The following RBFOX1 variants were observed in gnomAD, a reference collection of about 807,000 sequenced individuals.
RBFOX1 encodes RNA binding protein fox-1 homolog 1.
RBFOX1 carries 8 observed loss-of-function variants against 57.7 expected under a neutral mutation model. The observed-to-expected ratio is 0.14, with a 90% CI of 0.08 to 0.25. The LOEUF is 0.25. RBFOX1 is among the 10% of genes least tolerant of loss of function. The probability of loss-of-function intolerance (pLI) is 1.00; values close to 1 mark genes in which losing one functional copy is unlikely to be tolerated. For synonymous variants in RBFOX1, 326 were observed against 222.4 expected, an observed-to-expected ratio of 1.47 and a Z score of -4.15; for missense variants, 611 against 548.5, an observed-to-expected ratio of 1.11 and a Z score of -1.14.
chr16:6,815,108 G>T (rs1209017615), intron 3 of RBFOX1, among the ~76,000 whole-genome samples: 1 of 152,112 alleles, frequency 6.6e-6, no homozygotes, highest in Non-Finnish European at 1.5e-5. Flanking sequence ...CCCCATTTCC[G>T]ACCATATAGC....
chr16:6,432,410 G>A lies in RBFOX1; in HGVS notation c.-64+115353G>A, dbSNP rs560585601. ...AATGAGGCCGGGCACAGTGGCTCAT[G>A]CCTGTAATACCAGCACTTTGGGAGG... is the stretch of plus-strand genomic sequence containing the variant. On this transcript the variant is annotated intron_variant, in intron 2 of 15. Transcript: ENST00000550418. Among the ~76,000 whole-genome samples the A allele has an allele frequency of 2.6e-5, 4 of 152,052 alleles. No homozygotes were observed. The East Asian group carries it at 5.8e-4, about 22-fold the overall frequency.
chr16:5,787,128 T>C (rs2054529436), intron 3 of RBFOX1, among the ~76,000 whole-genome samples: 1 of 152,176 alleles, frequency 6.6e-6, no homozygotes, highest in African/African-American at 2.4e-5. Context: ...AGTGAGATAC[T>C]GTCTCCCAAA....
intron 1 of RBFOX1, among the ~76,000 whole-genome samples, chr16:6,269,451 C>T (rs1934383907): frequency 6.6e-6 from 1 of 152,134 alleles, no homozygotes; most frequent in Non-Finnish European, 1.5e-5. Context: ...AGTCAAACTT[C>T]TGAAAAGTCA....
At chr16:6,925,788 G>C (rs2075466760) in intron 3 of RBFOX1, among the ~76,000 whole-genome samples, 1 of 151,964 alleles carries the variant, frequency 6.6e-6, no homozygotes, top group South Asian at 2.1e-4. Context: ...ATGATATTTA[G>C]AAATAGGAAT....
chr16:6,927,056 C>T (rs2075721558), intron 3 of RBFOX1, among the ~76,000 whole-genome samples: 2 of 152,054 alleles, frequency 1.3e-5, no homozygotes, highest in African/African-American at 4.8e-5. Context: ...ATCCACCCAC[C>T]ATTTTTCTTT....
At chr16:6,884,265 C>G (rs2063524295) in intron 3 of RBFOX1, among the ~76,000 whole-genome samples, 1 of 152,096 alleles carries the variant, frequency 6.6e-6, no homozygotes, top group Non-Finnish European at 1.5e-5. Flanking sequence ...AAGTATGTGT[C>G]CAGCTTTCCA....
At chr16:6,974,503 C>G (rs1338899762) in intron 3 of RBFOX1, among the ~76,000 whole-genome samples, 1 of 151,734 alleles carries the variant, frequency 6.6e-6, no homozygotes, top group Admixed American at 6.6e-5. Context: ...TGCCACCACG[C>G]CCAGCTAATT....
rs542747092 is a variant in RBFOX1, at chr16:5,463,037, A to C, written c.220-4179A>C. On this transcript the variant is annotated intron_variant, in intron 1 of 2. Transcript: ENST00000585867. ...TCTAATCCTTGGTCCATTTTTAAAA[A>C]ATGAAAGTATTTTTGTGTATGTATA... 2.6e-5 allele frequency among the ~76,000 whole-genome samples: 4 copies of C among 152,372 alleles called. No homozygotes were observed. In the East Asian group the frequency reaches 7.7e-4, roughly 29 times the overall value.
intron 2 of RBFOX1, chr16:6,483,833 A>G: frequency 8.0e-7 from 1 of 1,254,078 alleles, no homozygotes; most frequent in Non-Finnish European, 1.0e-6. Flanking sequence ...AGAATAGGGG[A>G]CTTGGCCGTG....
At chr16:6,662,087 C>G (rs1157187214) in intron 3 of RBFOX1, among the ~76,000 whole-genome samples, 2 of 149,708 alleles carry the variant, frequency 1.3e-5, no homozygotes, top group African/African-American at 2.5e-5. Context: ...GAAAGTGAAA[C>G]TCAAAGAAGC....
chr16:6,217,235 A>T (rs1252740405), intron 1 of RBFOX1, among the ~76,000 whole-genome samples: 1 of 120,518 alleles, frequency 8.3e-6, no homozygotes, highest in African/African-American at 3.1e-5. Context: ...ATTTTATTGA[A>T]TGTCCCACTT....
At chr16:5,649,911 A>C (rs556304294) in intron 3 of RBFOX1, among the ~76,000 whole-genome samples, 1 of 152,258 alleles carries the variant, frequency 6.6e-6, no homozygotes, top group South Asian at 2.1e-4. Flanking sequence ...GAAGCACTTC[A>C]TCAGAGGAGG....
chr16:6,639,332 C>G (rs1050529763), intron 2 of RBFOX1, among the ~76,000 whole-genome samples: 8 of 152,072 alleles, frequency 5.3e-5, no homozygotes, highest in South Asian at 2.1e-4. Flanking sequence ...CCTTGTAGTG[C>G]TAGGATCTTT....
chr16:6,147,099 A>G (rs2096764076), intron 1 of RBFOX1, among the ~76,000 whole-genome samples: 1 of 152,132 alleles, frequency 6.6e-6, no homozygotes. Flanking sequence ...ACGGAATCAG[A>G]ATTTGCATGG....
intron 3 of RBFOX1, among the ~76,000 whole-genome samples, chr16:6,872,493 G>C (rs923365530): frequency 3.3e-5 from 5 of 152,042 alleles, no homozygotes; most frequent in African/African-American, 1.2e-4. Flanking sequence ...TAGGTTTCAG[G>C]CTTCCCTGAA....
chr16:6,955,327 C>A (rs1042505720), intron 3 of RBFOX1, among the ~76,000 whole-genome samples: 3 of 147,902 alleles, frequency 2.0e-5, no homozygotes. Context: ...TCTCTTTCAC[C>A]TTTAAGCCTT....
intron 3 of RBFOX1, among the ~76,000 whole-genome samples, chr16:5,658,151 C>G (rs1375126095): frequency 6.6e-6 from 1 of 152,170 alleles, no homozygotes; most frequent in Admixed American, 6.5e-5. Flanking sequence ...ATTGATCCAG[C>G]AAGTGGAGTG....
chr16:6,812,174 T>C (rs2088825758), intron 3 of RBFOX1, among the ~76,000 whole-genome samples: 1 of 152,174 alleles, frequency 6.6e-6, no homozygotes, highest in Non-Finnish European at 1.5e-5. Flanking sequence ...AAAGGCCCCA[T>C]AGGATTTTTT....
intron 3 of RBFOX1, among the ~76,000 whole-genome samples, chr16:5,834,117 G>T (rs74004640): frequency 0.031 from 4,720 of 152,268 alleles, 235 homozygotes; most frequent in African/African-American, 0.1. Context: ...CTTATTTTAA[G>T]AAATTAAGAC....
Sources: gnomAD v4.1 joint callset for allele counts (sites outside exome capture counted in the v4.1 genomes callset) on GRCh38, gnomAD v4.1.1 for gene constraint, MANE v1.5 for transcripts, NCBI Gene and HGNC (gene_info 2026-07-23, HGNC 2026-07-21) for gene names.